The following RAC1 variants were observed in gnomAD, a reference collection of about 807,000 sequenced individuals.
RAC1 encodes the protein Rac family small GTPase 1.
In RAC1, 2 loss-of-function variants were observed where a neutral mutation model predicts 25.2. The observed-to-expected ratio is 0.08, with a 90% confidence interval of 0.03 to 0.25. The LOEUF (loss-of-function observed/expected upper bound fraction) is 0.25, where lower values mean the gene tolerates loss of function less well. Ranked by LOEUF, RAC1 falls within the 10% of genes least tolerant of loss-of-function variation. The pLI is 1.00. For missense variants in RAC1, 50 were observed against 235.7 expected, an observed-to-expected ratio of 0.21 and a Z score of 5.16; for synonymous variants, 88 against 94.0, an observed-to-expected ratio of 0.94 and a Z score of 0.37.
intron 3 of RAC1, among the ~76,000 whole-genome samples, chr7:6,398,390 G>A (rs1005113207): frequency 5.3e-5 from 8 of 152,188 alleles, no homozygotes; most frequent in African/African-American, 1.4e-4. Flanking sequence ...GGTGGGTGCT[G>A]CCATGGGAGG....
At chr7:6,382,670 C>G (rs1782803305) in intron 1 of RAC1, among the ~76,000 whole-genome samples, 1 of 152,182 alleles carries the variant, frequency 6.6e-6, no homozygotes, top group South Asian at 2.1e-4. Flanking sequence ...CGAGACCAGT[C>G]TGGCCAACAT....
At chr7:6,395,074 TTG>T (rs1326051275) in intron 3 of RAC1, among the ~76,000 whole-genome samples, 2 of 152,144 alleles carry the variant, frequency 1.3e-5, no homozygotes, top group Non-Finnish European at 2.9e-5. Context: ...CAGGATGGTC[TTG>T]ATCTCCTGAG....
intron 3 of RAC1, among the ~76,000 whole-genome samples, chr7:6,392,572 GA>G (rs952906328): frequency 6.6e-6 from 1 of 151,850 alleles, no homozygotes; most frequent in Admixed American, 6.6e-5. Flanking sequence ...TGTCTAATCA[GA>G]AAAAAAAGTT....
chr7:6,392,154 G>A (rs1310397491), intron 3 of RAC1, 113 bp downstream of exon 3: 3 of 1,546,446 alleles, frequency 1.9e-6, no homozygotes, highest in Middle Eastern at 1.7e-4. Context: ...TGGGTATTGA[G>A]TAAATAGCAA....
intron 3 of RAC1, among the ~76,000 whole-genome samples, chr7:6,396,902 C>T (rs1202151584): frequency 2.0e-5 from 3 of 151,988 alleles, no homozygotes; most frequent in South Asian, 2.1e-4. Flanking sequence ...TGGTGGCGGG[C>T]ACCTGTGGTC....
At chr7:6,399,708 G>C (rs1783344390) in intron 3 of RAC1, 1 of 161,702 alleles carries the variant, frequency 6.2e-6, no homozygotes, top group African/African-American at 2.4e-5. Context: ...GTGACAGGCA[G>C]CTCCTGAAGA....
Position 6,379,496 on chromosome 7 carries a change from C to T in RAC1, c.35+4726C>T, listed in dbSNP as rs540810693. On this transcript the variant is annotated intron_variant, in intron 1 of 5. Coordinates refer to ENST00000348035, the MANE Select transcript of RAC1 (RefSeq NM_006908.5). The stretch of plus-strand genomic sequence containing the variant: ...CCTTGTTAGCCAGGTTGGTCTCAAA[C>T]GCCTGACCTCAGGTTATCCACCTGC... Among the ~76,000 whole-genome samples the T allele has an allele frequency of 4.6e-4, 70 of 152,172 alleles. No individual in the cohort carries two copies. In the South Asian group the frequency reaches 0.013, roughly 29 times the overall value.
intron 4 of RAC1, 136 bp downstream of exon 4, chr7:6,400,324 T>G: frequency 1.2e-6 from 1 of 819,364 alleles, no homozygotes; most frequent in Non-Finnish European, 2.0e-6. Context: ...AGTACATGAT[T>G]GGGTTTTTTT....
chr7:6,386,843 C>G (rs1782937073), intron 1 of RAC1, among the ~76,000 whole-genome samples: 1 of 149,652 alleles, frequency 6.7e-6, no homozygotes, highest in Non-Finnish European at 1.5e-5. Context: ...CAGGATCAAA[C>G]TTAAGATTCT....
At chr7:6,398,505 C>T (rs558148358) in intron 3 of RAC1, among the ~76,000 whole-genome samples, 4 of 152,314 alleles carry the variant, frequency 2.6e-5, no homozygotes, top group Non-Finnish European at 5.9e-5. Flanking sequence ...GTTTCAGTGG[C>T]ATTTGTCATC....
intron 1 of RAC1, among the ~76,000 whole-genome samples, chr7:6,383,385 G>C (rs1782827784): frequency 6.6e-6 from 1 of 151,952 alleles, no homozygotes; most frequent in Non-Finnish European, 1.5e-5. Context: ...ACTTAAAGAG[G>C]AGTCGATTTT....
In RAC1 at chr7:6,391,913, C is replaced by A; in HGVS notation, c.108-11C>A. 6.2e-7 allele frequency: 1 copy of A among 1,613,990 alleles called. No homozygotes were observed. Among genetic ancestry groups the A allele is most frequent in the Non-Finnish European group, 8.5e-7 (1 of 1,179,934 alleles). On this transcript the variant is annotated splice_polypyrimidine_tract_variant and intron_variant, in intron 2 of 5. Coordinates refer to ENST00000348035, the MANE Select transcript of RAC1 (RefSeq NM_006908.5). ...ACACCTGTGACTAACCATTTTCATT[C>A]CATTCTACAGCTTTGACAATTATTC...
chr7:6,384,508 G>A (rs1284131865), intron 1 of RAC1, among the ~76,000 whole-genome samples: 1 of 152,128 alleles, frequency 6.6e-6, no homozygotes, highest in Non-Finnish European at 1.5e-5. Context: ...AGATGGGATC[G>A]TGCTTTGTCA....
At chr7:6,394,129 G>T (rs911920227) in intron 3 of RAC1, among the ~76,000 whole-genome samples, 2 of 152,152 alleles carry the variant, frequency 1.3e-5, no homozygotes, top group Non-Finnish European at 2.9e-5. Flanking sequence ...TGAAGGACCA[G>T]TTGGAAGATT....
chr7:6,380,842 G>A (rs969905816), intron 1 of RAC1, among the ~76,000 whole-genome samples: 1 of 152,086 alleles, frequency 6.6e-6, no homozygotes, highest in Non-Finnish European at 1.5e-5. Flanking sequence ...AGGATTTATA[G>A]AGGAGTTGAT....
At position 6,401,906 on chromosome 7, in the gene RAC1, C is replaced by T. The variant is rs202019481; in HGVS notation, c.327C>T (p.Pro109=). ...TGCGGCACCACTGTCCCAACACTCCCATCATCCTAGTGGGAACTAAACTTG... is the reference window on the plus strand; with the variant it reads ...TGCGGCACCACTGTCCCAACACTCCTATCATCCTAGTGGGAACTAAACTTG... ...PEVRHHCPNT[P]IILVGTKLDL... The change falls in exon 5 of 6, where the codon CCC becomes CCT. Residue 109 remains proline (P), a synonymous_variant. Transcript: ENST00000348035. 4.3e-6 allele frequency: 7 copies of T among 1,614,082 alleles called. No homozygotes were observed. Among genetic ancestry groups the T allele is most frequent in the Non-Finnish European group, 5.9e-6 (7 of 1,179,964 alleles).
At chr7:6,401,272 A>G (rs975501945) in intron 4 of RAC1, among the ~76,000 whole-genome samples, 3 of 152,138 alleles carry the variant, frequency 2.0e-5, no homozygotes, top group Non-Finnish European at 4.4e-5. Context: ...GTGGATTTTT[A>G]AAGCTTCAGG....
chr7:6,388,207 G>C (rs1782977556), intron 2 of RAC1, among the ~76,000 whole-genome samples: 1 of 152,082 alleles, frequency 6.6e-6, no homozygotes, highest in Admixed American at 6.6e-5. Context: ...CCATCCTGCA[G>C]CTGCTGTGAG....
intron 2 of RAC1, among the ~76,000 whole-genome samples, chr7:6,390,660 A>AG (rs1783068364): frequency 1.3e-5 from 2 of 151,952 alleles, no homozygotes; most frequent in Admixed American, 1.3e-4. Flanking sequence ...TGTTGTACTT[A>AG]GAAAGGCCTT....
Sources: gnomAD v4.1 joint callset for allele counts (sites outside exome capture counted in the v4.1 genomes callset) on GRCh38, gnomAD v4.1.1 for gene constraint, MANE v1.5 for transcripts, NCBI Gene and HGNC (gene_info 2026-07-23, HGNC 2026-07-21) for gene names.